The following UBR2 variants were observed in gnomAD, a reference collection of about 807,000 sequenced individuals.
UBR2 encodes the protein ubiquitin protein ligase E3 component n-recognin 2, also known as E3 ubiquitin-protein ligase UBR2.
A neutral mutation model predicts 247.9 loss-of-function variants in UBR2; 92 were observed. The observed-to-expected ratio is 0.37, with a 90% CI of 0.31 to 0.44. UBR2 has a LOEUF of 0.44. UBR2 is among the 20% of genes least tolerant of loss of function. The pLI is 1.00. For synonymous variants in UBR2, 672 were observed against 693.5 expected (o/e 0.97, Z 0.49); for missense variants, 1,613 against 2,112.6 (o/e 0.76, Z 4.64).
chr6:42,580,341 G>A (rs578216160), intron 2 of UBR2, among the ~76,000 whole-genome samples: 5 of 152,296 alleles, frequency 3.3e-5, no homozygotes, highest in African/African-American at 7.2e-5. Flanking sequence ...GAAGTACATG[G>A]TGGTATCATC....
In UBR2 at chr6:42,689,447, G is replaced by A; in HGVS notation, c.5025-122G>A. ...CTAGTTTGTGCACAATTTTTTAATG[G>A]ATAACTTCCTCCTAATAGTGGTTTA... On this transcript the variant is annotated intron_variant, in intron 45 of 46. Transcript: ENST00000372901. The surrounding 1 kb of genome is among the most constrained non-coding windows in gnomAD (Gnocchi z 4.0). 1 of 968,050 alleles carries A rather than the reference G, an allele frequency of 1.0e-6. No individual in the cohort carries two copies. Among genetic ancestry groups the A allele is most frequent in the Non-Finnish European group, 1.6e-6 (1 of 622,552 alleles). The allele number at this position is 968,050 out of a possible 1,614,324, so 60.0% of individuals were successfully genotyped here.
At chr6:42,686,790 G>A (rs971646570) in intron 44 of UBR2, among the ~76,000 whole-genome samples, 2 of 151,670 alleles carry the variant, frequency 1.3e-5, no homozygotes, top group East Asian at 3.9e-4. Context: ...GGGCGGAGAC[G>A]CTCCTCACTT....
At chr6:42,647,553 G>T (rs951483759) in intron 21 of UBR2, among the ~76,000 whole-genome samples, 2 of 151,914 alleles carry the variant, frequency 1.3e-5, no homozygotes, top group Admixed American at 1.3e-4. Context: ...CCAAGATCAT[G>T]CCATTGCACT....
chr6:42,612,313 C>A (rs758807139), intron 8 of UBR2, 22 bp downstream of exon 8: 15 of 1,481,108 alleles, frequency 1.0e-5, no homozygotes, highest in Middle Eastern at 1.8e-4. Context: ...AAAGTTCATG[C>A]CAATTGTCTA....
Position 42,663,437 on chromosome 6 carries a change from A to G in UBR2, c.3698+18A>G. 6.3e-7 allele frequency: 1 copy of G among 1,593,914 alleles called. No homozygotes were observed. On this transcript the variant is annotated intron_variant, in intron 32 of 46. Transcript: ENST00000372901. ...TTTAACAAGTAAGTTTTGGCTCATGACAACTATTACAAAGCAATAGTTTGC... is the reference window on the plus strand; with the variant it reads ...TTTAACAAGTAAGTTTTGGCTCATGGCAACTATTACAAAGCAATAGTTTGC...
chr6:42,617,246 C>G, intron 10 of UBR2, 163 bp from the exon 11 acceptor site: 1 of 1,613,992 alleles, frequency 6.2e-7, no homozygotes, highest in Non-Finnish European at 8.5e-7. Context: ...TTAGAATTAC[C>G]AGCAGTTGCA....
At chr6:42,687,086 G>A (rs994927512) in intron 44 of UBR2, among the ~76,000 whole-genome samples, 2 of 152,222 alleles carry the variant, frequency 1.3e-5, no homozygotes, top group Admixed American at 6.5e-5. Flanking sequence ...ACGGGGTGGC[G>A]GCCGGGCAGA....
chr6:42,595,519 G>C (rs1792910765), intron 4 of UBR2, among the ~76,000 whole-genome samples: 1 of 152,128 alleles, frequency 6.6e-6, no homozygotes, highest in African/African-American at 2.4e-5. Context: ...GCCAAGGCGG[G>C]TGGATCACTT....
At chr6:42,617,583 T>A (rs1794641698) in intron 11 of UBR2, 76 bp downstream of exon 11, 1 of 1,268,488 alleles carries the variant, frequency 7.9e-7, no homozygotes, top group Non-Finnish European at 1.1e-6. Flanking sequence ...AACTAAAGTC[T>A]GTATATTCCT....
At chr6:42,639,921 G>A (rs930047532) in intron 15 of UBR2, among the ~76,000 whole-genome samples, 4 of 151,516 alleles carry the variant, frequency 2.6e-5, no homozygotes, top group African/African-American at 9.7e-5. Context: ...CCAGCTACTC[G>A]GGAGGCTGAG....
At chr6:42,614,326 G>GCGTATA in intron 8 of UBR2, among the ~76,000 whole-genome samples, 1 of 65,426 alleles carries the variant, frequency 1.5e-5, no homozygotes, top group African/African-American at 6.5e-5. Flanking sequence ...ATGTATATAT[G>GCGTATA]TGTATATGTG....
At chr6:42,690,323 G>A (rs1799682513) in intron 46 of UBR2, among the ~76,000 whole-genome samples, 2 of 152,238 alleles carry the variant, frequency 1.3e-5, no homozygotes, top group South Asian at 4.1e-4. Context: ...CCAGGCGCTG[G>A]ACTGCGAGGC....
intron 1 of UBR2, among the ~76,000 whole-genome samples, chr6:42,565,800 T>C (rs1266235971): frequency 3.3e-5 from 5 of 152,130 alleles, no homozygotes; most frequent in Non-Finnish European, 7.4e-5. Context: ...CCTCAGGTGA[T>C]CCACCTGTTT....
chr6:42,575,608 A>G (rs907020466), intron 2 of UBR2, among the ~76,000 whole-genome samples: 9 of 152,134 alleles, frequency 5.9e-5, no homozygotes, highest in African/African-American at 1.7e-4. Flanking sequence ...TATTTTGTCA[A>G]TGTCCCCTCA....
chr6:42,670,136 G>T lies in UBR2; in HGVS notation c.3926G>T (p.Gly1309Val). The change falls in exon 35 of 47, where the codon GGA becomes GTA. Residue 1309 changes from glycine (G) to valine (V), a missense_variant. Gly to Val is a moderately radical substitution (Grantham distance 109). Coordinates refer to ENST00000372901, the MANE Select transcript of UBR2 (RefSeq NM_001363705.2). ...ESIKEMLTTF[G>V]TATYKVGLKV... Reference sequence around the variant, plus strand: ...ATAAAAGAAATGCTAACGACATTTGGAACTGCTACCTACAAGGTGGGACTA... The same window carrying T: ...ATAAAAGAAATGCTAACGACATTTGTAACTGCTACCTACAAGGTGGGACTA... The T allele has an allele frequency of 1.2e-6, 2 of 1,614,120 alleles. No individual in the cohort carries two copies. The highest frequency in any genetic ancestry group is 1.7e-6 in the Non-Finnish European group (2 of 1,180,020).
intron 16 of UBR2, 147 bp downstream of exon 16, chr6:42,640,417 T>TA: frequency 3.8e-6 from 2 of 527,676 alleles, no homozygotes; most frequent in East Asian, 3.5e-5. Flanking sequence ...TGTGTGTGTG[T>TA]GTGTGTGTGT....
At chr6:42,602,498 G>A (rs1290914682) in intron 4 of UBR2, among the ~76,000 whole-genome samples, 6 of 151,812 alleles carry the variant, frequency 4.0e-5, no homozygotes, top group Admixed American at 2.0e-4. Flanking sequence ...CACTGCACCC[G>A]GCCGCCCATT....
chr6:42,659,518 T>C lies in UBR2; in HGVS notation c.3243-138T>C, dbSNP rs570538789. The C allele has an allele frequency of 9.0e-4, 457 of 508,406 alleles. 1 individual carries two copies. Among genetic ancestry groups the C allele is most frequent in the Admixed American group, 1.6e-3 (31 of 19,590 alleles). 31.5% of individuals were successfully genotyped at this position (508,406 alleles called of 1,614,324 possible). ...CTGTCTCAAAAAATAAATAAATATA[T>C]ATACACACACACACACACACACACA... On this transcript the variant is annotated intron_variant, in intron 29 of 46. Coordinates refer to ENST00000372901, the MANE Select transcript of UBR2 (RefSeq NM_001363705.2). This position sits in a 1 kb window ranked among gnomAD's most constrained non-coding sequence, Gnocchi z 4.3.
At chr6:42,688,493 G>T (rs561744646) in intron 45 of UBR2, 107 bp downstream of exon 45, 1 of 1,313,048 alleles carries the variant, frequency 7.6e-7, no homozygotes, top group African/African-American at 1.5e-5. Context: ...CTACTGTTCC[G>T]TGTGATTCAT....
Sources: gnomAD v4.1 joint callset for allele counts (sites outside exome capture counted in the v4.1 genomes callset) on GRCh38, gnomAD v4.1.1 for gene constraint, Gnocchi (gnomAD v3.1) non-coding constraint, MANE v1.5 for transcripts, NCBI Gene and HGNC (gene_info 2026-07-23, HGNC 2026-07-21) for gene names.